The following PFKM variants were observed in gnomAD, a reference collection of about 807,000 sequenced individuals.
PFKM encodes phosphofructokinase, muscle.
Under a neutral mutation model 95.5 loss-of-function variants are expected in PFKM, and 58 were observed. The ratio of observed to expected loss-of-function variants is 0.61; its 90% CI spans 0.49 to 0.76. The LOEUF (loss-of-function observed/expected upper bound fraction) is 0.76. Ranked by LOEUF, PFKM falls within the 30% of genes least tolerant of loss-of-function variation. The pLI is 0.00. For missense variants in PFKM, 678 were observed against 1,005.4 expected (o/e 0.67, Z 4.40); for synonymous variants, 336 against 357.2 (o/e 0.94, Z 0.67).
exon 1 of PFKM, chr12:48,105,944 G>A: frequency 4.3e-6 from 3 of 691,478 alleles, no homozygotes; most frequent in Non-Finnish European, 7.9e-6. Flanking sequence ...GTCCAGCCCG[G>A]GCCGGCTGAC....
chr12:48,131,698 C>T (rs1449734415), intron 4 of PFKM: 3 of 420,152 alleles, frequency 7.1e-6, no homozygotes, highest in Non-Finnish European at 1.3e-5. Context: ...GAAGGTCTGG[C>T]CCTGAAAATA....
chr12:48,116,414 T>C (rs1159945062), upstream of PFKM, among the ~76,000 whole-genome samples: 1 of 152,162 alleles, frequency 6.6e-6, no homozygotes, highest in African/African-American at 2.4e-5. Context: ...TGAGCATCTT[T>C]TCTTGTACTT....
intron 3 of PFKM, among the ~76,000 whole-genome samples, chr12:48,113,078 G>A (rs187872452): frequency 1.4e-4 from 22 of 152,280 alleles, no homozygotes; most frequent in African/African-American, 4.8e-4. Context: ...AGTCAGGGAA[G>A]CAGATAATTT....
At chr12:48,142,977 C>T in intron 18 of PFKM, 31 bp downstream of exon 18, 1 of 1,600,392 alleles carries the variant, frequency 6.2e-7, no homozygotes. Flanking sequence ...TGCTAGATAG[C>T]TCTCCCCTGT....
At chr12:48,115,602 G>A (rs557814479), upstream of PFKM, among the ~76,000 whole-genome samples, 7 of 152,206 alleles carry the variant, frequency 4.6e-5, 1 homozygote, top group South Asian at 1.5e-3. Flanking sequence ...ATCTTCAGTT[G>A]CTTCAGGCCA....
At chr12:48,139,019 C>T (rs1317850868) in intron 11 of PFKM, among the ~76,000 whole-genome samples, 1 of 151,942 alleles carries the variant, frequency 6.6e-6, no homozygotes, top group Admixed American at 6.6e-5. Flanking sequence ...CCAGCCTGGG[C>T]GACAGAGCGA....
chr12:48,108,618 A>C (rs1450542321), intron 3 of PFKM, among the ~76,000 whole-genome samples: 1 of 152,216 alleles, frequency 6.6e-6, no homozygotes. Context: ...TATTGTAAAA[A>C]ATTTTCATCT....
intron 3 of PFKM, among the ~76,000 whole-genome samples, chr12:48,108,620 T>G (rs1377193154): frequency 6.6e-6 from 1 of 152,192 alleles, no homozygotes; most frequent in African/African-American, 2.4e-5. Flanking sequence ...TTGTAAAAAA[T>G]TTTCATCTTA....
At chr12:48,131,541 C>A in intron 4 of PFKM, 148 bp downstream of exon 4, 1 of 704,978 alleles carries the variant, frequency 1.4e-6, no homozygotes, top group Non-Finnish European at 2.6e-6. Flanking sequence ...TTGCCCTTTA[C>A]TCTTAGCATT....
intron 2 of PFKM, among the ~76,000 whole-genome samples, chr12:48,129,388 A>G (rs191305745): frequency 4.5e-4 from 68 of 151,666 alleles, no homozygotes; most frequent in African/African-American, 1.6e-3. Context: ...TTCCAGTAGA[A>G]GCAGAGAGAG....
In PFKM at chr12:48,133,076, C is replaced by T. The variant is rs775590325; in HGVS notation, c.427+19C>T. The T allele has an allele frequency of 9.9e-6, 16 of 1,608,514 alleles. No homozygotes were observed. The South Asian group carries it at 1.5e-4, about 15-fold the overall frequency. On this transcript the variant is annotated intron_variant, in intron 5 of 22. Transcript: ENST00000359794. ...AAAGCAGGTAAGAGAGTTTTCACAT[C>T]AGTATTGCTTATTTGTGTCGGTACG...
At chr12:48,111,632 G>A (rs1947196648) in intron 3 of PFKM, among the ~76,000 whole-genome samples, 1 of 152,212 alleles carries the variant, frequency 6.6e-6, no homozygotes, top group Non-Finnish European at 1.5e-5. Flanking sequence ...TGCCTTTGCT[G>A]GTGAGTGGCG....
intron 15 of PFKM, 53 bp from the exon 16 acceptor site, chr12:48,141,687 T>C: frequency 7.4e-7 from 1 of 1,345,634 alleles, no homozygotes; most frequent in Non-Finnish European, 1.1e-6. Context: ...TTTTCCTGTC[T>C]CTTCCCCAAA....
chr12:48,141,911 T>G lies in PFKM; in HGVS notation c.1501-3T>G, dbSNP rs780306562. ...TCCTGCCCTTGTGCTCTCTTCTTCT[T>G]AGGCTTACACAGGGGGCCTGGAACT... On this transcript the variant is annotated splice_polypyrimidine_tract_variant and splice_region_variant and intron_variant, in intron 16 of 22. Coordinates refer to ENST00000359794, the MANE Select transcript of PFKM (RefSeq NM_000289.6). The G allele has an allele frequency of 3.7e-6, 6 of 1,613,972 alleles. No individual in the cohort carries two copies. Among genetic ancestry groups the G allele is most frequent in the Non-Finnish European group, 5.1e-6 (6 of 1,179,994 alleles).
chr12:48,141,194 C>T lies in PFKM; in HGVS notation c.1342-117C>T, dbSNP rs538585459. On this transcript the variant is annotated intron_variant, in intron 14 of 22. Transcript: ENST00000359794. ...TGGGGAAAAGCTAATACCTGGTGTA[C>T]CTTTTCCAACCAAGGGGGATCCAGG... is the stretch of plus-strand genomic sequence containing the variant. 2.6e-5 allele frequency: 25 copies of T among 971,662 alleles called. No individual in the cohort carries two copies. In the East Asian group the frequency reaches 4.3e-4, roughly 17 times the overall value. The allele number at this position is 971,662 out of a possible 1,614,324, so 60.2% of individuals were successfully genotyped here. A position where few individuals can be genotyped will look rare whatever the true frequency, so the allele number is the denominator to read the frequency against.
rs551924819 is a variant in PFKM at position 48,142,485 on chromosome 12, A to G, written c.1654-297A>G. ...GTTCAGTTTCCTCACCTAGAAATGCACCAGTACCCTGAATACCAAATGTTT... is the reference window on the plus strand; with the variant it reads ...GTTCAGTTTCCTCACCTAGAAATGCGCCAGTACCCTGAATACCAAATGTTT... On this transcript the variant is annotated intron_variant, in intron 17 of 22. Coordinates refer to ENST00000359794, the MANE Select transcript of PFKM (RefSeq NM_000289.6). 32 of 462,096 alleles carry G rather than the reference A, an allele frequency of 6.9e-5. No individual in the cohort carries two copies. In the East Asian group the frequency reaches 1.4e-3, roughly 20 times the overall value. The allele number at this position is 462,096 out of a possible 1,614,324, so 28.6% of individuals were successfully genotyped here.
chr12:48,122,370 C>G (rs564701413), intron 1 of PFKM, among the ~76,000 whole-genome samples: 17 of 152,302 alleles, frequency 1.1e-4, no homozygotes, highest in African/African-American at 3.9e-4. Context: ...CATCTGATTC[C>G]AGCCCTCTGC....
chr12:48,128,275 C>T (rs1432786793), intron 2 of PFKM, among the ~76,000 whole-genome samples: 1 of 152,056 alleles, frequency 6.6e-6, no homozygotes, highest in Non-Finnish European at 1.5e-5. Context: ...CTCTCTCTCT[C>T]TCTCTTTTTT....
At chr12:48,126,810 C>G (rs909556518) in intron 2 of PFKM, among the ~76,000 whole-genome samples, 1 of 152,154 alleles carries the variant, frequency 6.6e-6, no homozygotes, top group Non-Finnish European at 1.5e-5. Context: ...GGAAAACAAA[C>G]TTTAGTTTCA....
Sources: allele counts gnomAD v4.1 joint callset (sites outside exome capture counted in the v4.1 genomes callset), GRCh38; gene constraint gnomAD v4.1.1; transcripts MANE v1.5; gene names NCBI Gene and HGNC (gene_info 2026-07-23, HGNC 2026-07-21).